The following SPOCK1 variants were observed in gnomAD, a reference collection of about 807,000 sequenced individuals.
SPOCK1 encodes the protein SPARC (osteonectin), cwcv and kazal like domains proteoglycan 1.
In SPOCK1, 23 loss-of-function variants were observed where a neutral mutation model predicts 55.3. The observed-to-expected ratio is 0.42, with a 90% CI of 0.30 to 0.59. The LOEUF (loss-of-function observed/expected upper bound fraction) is 0.59, where lower values mean the gene tolerates loss of function less well. Among genes scored for constraint, SPOCK1 ranks in the 20% least tolerant of loss-of-function variants. The probability of loss-of-function intolerance (pLI) is 0.22; values close to 1 mark genes in which losing one functional copy is unlikely to be tolerated. For synonymous variants in SPOCK1, 226 were observed against 221.0 expected (o/e 1.02, Z -0.20); for missense variants, 499 against 552.5 (o/e 0.90, Z 0.97).
chr5:137,166,435 G>GAAAAA (rs755506669), intron 3 of SPOCK1, among the ~76,000 whole-genome samples: 1,930 of 137,644 alleles, frequency 0.014, 41 homozygotes, highest in African/African-American at 0.047. Flanking sequence ...ACTTCAATTA[G>GAAAAA]AAAAAAAAAA....
At chr5:137,475,414 G>C (rs962413462) in intron 2 of SPOCK1, among the ~76,000 whole-genome samples, 2 of 152,044 alleles carry the variant, frequency 1.3e-5, no homozygotes, top group Non-Finnish European at 2.9e-5. Context: ...CAATGTTTTT[G>C]GAAAGTAAGA....
intron 3 of SPOCK1, among the ~76,000 whole-genome samples, chr5:137,222,864 C>A (rs1165080213): frequency 1.3e-5 from 2 of 152,166 alleles, no homozygotes; most frequent in African/African-American, 4.8e-5. Context: ...CAAAATCTTA[C>A]ACTTCTTTTT....
chr5:137,072,253 A>C (rs1752634028), intron 5 of SPOCK1, among the ~76,000 whole-genome samples: 1 of 152,252 alleles, frequency 6.6e-6, no homozygotes. Flanking sequence ...GCAGTCAAAT[A>C]AATAATTAAC....
Position 136,997,319 on chromosome 5 carries a change from A to C in SPOCK1, c.590-4719T>G, listed in dbSNP as rs762724191. ...ACTGCTTCTTATCTCCACTGCCTCT[A>C]TTCTAGTCTCCAATGCCACCACTAC... On this transcript the variant is annotated intron_variant, in intron 6 of 10. Coordinates refer to ENST00000394945, the MANE Select transcript of SPOCK1 (RefSeq NM_004598.4). 5.3e-5 allele frequency among the ~76,000 whole-genome samples: 8 copies of C among 152,034 alleles called. 1 individual carries two copies. Among genetic ancestry groups the C allele is most frequent in the African/African-American group, 9.7e-5 (4 of 41,378 alleles).
At position 137,433,338 on chromosome 5, in the gene SPOCK1, T is replaced by C. The variant is rs576566186; in HGVS notation, c.186+65035A>G. 1.8e-4 allele frequency among the ~76,000 whole-genome samples: 4 copies of C among 22,062 alleles called. No homozygotes were observed. In the South Asian group the frequency reaches 0.059, roughly 324 times the overall value. 14.5% of individuals were successfully genotyped at this position (22,062 alleles called of 152,430 possible). A position where few individuals can be genotyped will look rare whatever the true frequency, so the allele number is the denominator to read the frequency against. On this transcript the variant is annotated intron_variant, in intron 2 of 10. Transcript: ENST00000394945. Reference sequence around the variant, plus strand: ...ACATTAGGGTGAACAGAAAAGACAATAGCCAGTTCACTAGGCAGAGAAGCC... The same window carrying C: ...ACATTAGGGTGAACAGAAAAGACAACAGCCAGTTCACTAGGCAGAGAAGCC...
At chr5:137,023,880 C>T (rs1029969791) in intron 6 of SPOCK1, among the ~76,000 whole-genome samples, 4 of 150,150 alleles carry the variant, frequency 2.7e-5, no homozygotes, top group Middle Eastern at 3.2e-3. Context: ...TAGCACAATG[C>T]AAATAAAGGT....
chr5:137,427,793 C>T (rs972340622), intron 2 of SPOCK1, among the ~76,000 whole-genome samples: 2 of 151,834 alleles, frequency 1.3e-5, no homozygotes, highest in Non-Finnish European at 2.9e-5. Context: ...GCTGTAGTCC[C>T]AGCTACTCGG....
chr5:137,122,700 C>A (rs1421645553), intron 4 of SPOCK1, among the ~76,000 whole-genome samples: 1 of 152,228 alleles, frequency 6.6e-6, no homozygotes, highest in Middle Eastern at 3.2e-3. Context: ...TCCTTCTTCA[C>A]AGGAGGGGCC....
At chr5:137,096,526 C>T (rs1753149972) in intron 5 of SPOCK1, among the ~76,000 whole-genome samples, 1 of 152,128 alleles carries the variant, frequency 6.6e-6, no homozygotes, top group African/African-American at 2.4e-5. Context: ...AAGAAACGGT[C>T]CACTCAAAGG....
chr5:137,363,187 G>C (rs1223028555), intron 2 of SPOCK1, among the ~76,000 whole-genome samples: 1 of 152,176 alleles, frequency 6.6e-6, no homozygotes, highest in Non-Finnish European at 1.5e-5. Flanking sequence ...CATCTGCCCT[G>C]TAAGTACCTA....
At chr5:137,490,869 G>C (rs1257560689) in intron 2 of SPOCK1, among the ~76,000 whole-genome samples, 1 of 152,122 alleles carries the variant, frequency 6.6e-6, no homozygotes, top group African/African-American at 2.4e-5. Context: ...CAGCCTTCCA[G>C]ACTGGCAAGA....
chr5:137,272,241 T>G (rs1166711232), intron 2 of SPOCK1, among the ~76,000 whole-genome samples: 1 of 152,188 alleles, frequency 6.6e-6, no homozygotes, highest in African/African-American at 2.4e-5. Context: ...GCAAACTGGT[T>G]CTATTTATCT....
chr5:137,497,417 C>T (rs1433482844), intron 2 of SPOCK1, among the ~76,000 whole-genome samples: 1 of 152,198 alleles, frequency 6.6e-6, no homozygotes, highest in Non-Finnish European at 1.5e-5. Flanking sequence ...TTTAAGGCTT[C>T]TCAGAAACAG....
At chr5:137,346,329 A>G (rs1440496777) in intron 2 of SPOCK1, among the ~76,000 whole-genome samples, 3 of 152,022 alleles carry the variant, frequency 2.0e-5, no homozygotes, top group Non-Finnish European at 4.4e-5. Context: ...CCTTCCCTGC[A>G]CCCCTCCTCC....
intron 2 of SPOCK1, among the ~76,000 whole-genome samples, chr5:137,330,278 G>A (rs966267003): frequency 3.9e-5 from 6 of 152,130 alleles, no homozygotes; most frequent in East Asian, 1.9e-4. Context: ...AGTGGCGAGC[G>A]GCTTTTATGG....
intron 2 of SPOCK1, among the ~76,000 whole-genome samples, chr5:137,284,538 C>T (rs533211540): frequency 3.3e-5 from 5 of 152,208 alleles, no homozygotes; most frequent in African/African-American, 1.2e-4. Context: ...AGGAAGCGGA[C>T]GGAAGGACGA....
At chr5:137,335,574 G>A (rs768146040) in intron 2 of SPOCK1, among the ~76,000 whole-genome samples, 16 of 152,290 alleles carry the variant, frequency 1.1e-4, no homozygotes, top group African/African-American at 1.7e-4. Context: ...AGTTTGAGAC[G>A]ACACTGCTTA....
rs140031115 is a variant in SPOCK1 at position 137,216,538 on chromosome 5, C to G, written c.232+50472G>C. On this transcript the variant is annotated intron_variant, in intron 3 of 10. Transcript: ENST00000394945. ...CCAGCCTGGCCAATGTTGTAAAACC[C>G]CATCTCTACTGAAAATACAAAAATT... Among the ~76,000 whole-genome samples the G allele has an allele frequency of 1.4e-3, 218 of 152,174 alleles. 1 individual carries two copies. The highest frequency in any genetic ancestry group is 4.1e-3 in the African/African-American group (172 of 41,522).
chr5:136,984,988 GCTGCCTGGAAGAGCT>G, intron 9 of SPOCK1, 137 bp downstream of exon 9: 1 of 778,030 alleles, frequency 1.3e-6, no homozygotes, highest in Non-Finnish European at 2.2e-6. Flanking sequence ...TTTATGTCCA[GCTGCCTGGAAGAGCT>G]CTGCCTGGGG....
Sources: gnomAD v4.1 joint callset for allele counts (sites outside exome capture counted in the v4.1 genomes callset) on GRCh38, gnomAD v4.1.1 for gene constraint, MANE v1.5 for transcripts, NCBI Gene and HGNC (gene_info 2026-07-23, HGNC 2026-07-21) for gene names.